Variants in MACROD2 observed in about 807,000 individuals in gnomAD.
The protein encoded by MACROD2 is mono-ADP ribosylhydrolase 2, also known as ADP-ribose glycohydrolase MACROD2.
MACROD2 carries 36 observed loss-of-function variants against 70.4 expected under a neutral mutation model. The ratio of observed to expected loss-of-function variants is 0.51; its 90% CI spans 0.39 to 0.68. MACROD2 has a LOEUF of 0.68. Ranked by LOEUF, MACROD2 falls within the 30% of genes least tolerant of loss-of-function variation. The probability of loss-of-function intolerance (pLI) is 0.00; values close to 1 mark genes in which losing one functional copy is unlikely to be tolerated. For synonymous variants in MACROD2, 172 were observed against 178.8 expected, an observed-to-expected ratio of 0.96 and a Z score of 0.30; for missense variants, 496 against 538.4, an observed-to-expected ratio of 0.92 and a Z score of 0.78.
intron 5 of MACROD2, among the ~76,000 whole-genome samples, chr20:14,989,711 G>A (rs2074883336): frequency 1.3e-5 from 2 of 152,124 alleles, no homozygotes; most frequent in South Asian, 4.1e-4. Flanking sequence ...ATGTTAATGA[G>A]CATATAATAA....
At chr20:16,043,059 G>C (rs1017472288) in intron 16 of MACROD2, among the ~76,000 whole-genome samples, 6 of 152,036 alleles carry the variant, frequency 3.9e-5, no homozygotes, top group Non-Finnish European at 5.9e-5. Context: ...CTTATTCAAA[G>C]GTAACTATAA....
At chr20:15,457,442 T>C (rs1213419353) in intron 7 of MACROD2, among the ~76,000 whole-genome samples, 2 of 152,142 alleles carry the variant, frequency 1.3e-5, no homozygotes, top group African/African-American at 2.4e-5. Flanking sequence ...TTTCATGTGA[T>C]TGGGTCCAAG....
At chr20:15,947,353 G>A (rs2065839185) in intron 12 of MACROD2, among the ~76,000 whole-genome samples, 2 of 152,146 alleles carry the variant, frequency 1.3e-5, no homozygotes, top group South Asian at 2.1e-4. Context: ...CAGGGCAGAG[G>A]TCCCTGCGGC....
intron 5 of MACROD2, among the ~76,000 whole-genome samples, chr20:14,824,827 T>C (rs1422529817): frequency 1.3e-5 from 2 of 152,076 alleles, no homozygotes; most frequent in African/African-American, 4.8e-5. Context: ...TTCTGCCACA[T>C]TTAAGTTCTC....
chr20:15,570,778 T>G (rs990636630), intron 8 of MACROD2, among the ~76,000 whole-genome samples: 3 of 152,140 alleles, frequency 2.0e-5, no homozygotes, highest in African/African-American at 7.2e-5. Flanking sequence ...TTGGACCAAT[T>G]TAGGTCACAT....
chr20:14,039,198 G>T (rs2053356005), intron 2 of MACROD2, among the ~76,000 whole-genome samples: 1 of 152,066 alleles, frequency 6.6e-6, no homozygotes, highest in Admixed American at 6.6e-5. Context: ...TGATTTTTAA[G>T]AAGCAAAGAA....
intron 5 of MACROD2, among the ~76,000 whole-genome samples, chr20:15,036,865 G>T (rs1378318164): frequency 6.6e-6 from 1 of 151,348 alleles, no homozygotes; most frequent in African/African-American, 2.4e-5. Context: ...TAAAGATTTA[G>T]TTACAAAGAT....
chr20:15,976,591 G>A (rs2066309708), intron 13 of MACROD2, among the ~76,000 whole-genome samples: 1 of 152,218 alleles, frequency 6.6e-6, no homozygotes, highest in African/African-American at 2.4e-5. Context: ...AGCCCTGGGA[G>A]GAGTCATTAA....
intron 4 of MACROD2, among the ~76,000 whole-genome samples, chr20:14,574,782 C>T (rs1160547162): frequency 6.7e-6 from 1 of 149,854 alleles, no homozygotes; most frequent in Non-Finnish European, 1.5e-5. Context: ...GAGGCCGGGG[C>T]GGGTGGATCA....
chr20:15,059,893 C>T (rs1001045335), intron 5 of MACROD2, among the ~76,000 whole-genome samples: 2 of 151,968 alleles, frequency 1.3e-5, no homozygotes, highest in Admixed American at 6.6e-5. Context: ...ATAAAGATTC[C>T]CTAAAGCTTG....
At chr20:14,516,399 T>G (rs1192535068) in intron 4 of MACROD2, among the ~76,000 whole-genome samples, 4 of 152,300 alleles carry the variant, frequency 2.6e-5, no homozygotes, top group Non-Finnish European at 5.9e-5. Flanking sequence ...TGAATGGTAT[T>G]GCCTAGGTTT....
chr20:14,918,694 C>G (rs757622943), intron 5 of MACROD2, among the ~76,000 whole-genome samples: 24 of 147,216 alleles, frequency 1.6e-4, no homozygotes, highest in Non-Finnish European at 3.1e-4. Context: ...TCTCCTCTAT[C>G]CCACACTTAC....
rs547824467 is a variant in MACROD2, at chr20:14,187,347, A to G, written c.271+101619A>G. 2.6e-5 allele frequency among the ~76,000 whole-genome samples: 4 copies of G among 152,310 alleles called. No homozygotes were observed. The East Asian group carries it at 7.7e-4, about 29-fold the overall frequency. On this transcript the variant is annotated intron_variant, in intron 3 of 17. Transcript: ENST00000684519. ...ATACGTGAGGATTTGACAGTTTACAATTGAAGCAGAAAAATTATCAAGGGT... is the reference window on the plus strand; with the variant it reads ...ATACGTGAGGATTTGACAGTTTACAGTTGAAGCAGAAAAATTATCAAGGGT...
At chr20:16,005,216 G>A (rs1464866636) in intron 15 of MACROD2, among the ~76,000 whole-genome samples, 8 of 152,150 alleles carry the variant, frequency 5.3e-5, no homozygotes, top group Non-Finnish European at 1.2e-4. Flanking sequence ...TCAACTTGCG[G>A]AAGTTCCCCA....
At chr20:14,193,784 A>G (rs981412287) in intron 3 of MACROD2, among the ~76,000 whole-genome samples, 2 of 152,220 alleles carry the variant, frequency 1.3e-5, no homozygotes, top group African/African-American at 4.8e-5. Context: ...CATTGGCTCA[A>G]TTGGAACGAG....
chr20:14,057,646 A>T (rs879526926), intron 2 of MACROD2, among the ~76,000 whole-genome samples: 22 of 152,210 alleles, frequency 1.4e-4, no homozygotes, highest in African/African-American at 5.3e-4. Context: ...AGCTGTGGGT[A>T]TGTGTATACA....
chr20:14,473,604 C>G (rs1237278039), intron 3 of MACROD2, among the ~76,000 whole-genome samples: 1 of 152,098 alleles, frequency 6.6e-6, no homozygotes, highest in Admixed American at 6.6e-5. Flanking sequence ...ATGCTTCTAA[C>G]AAACTTGGAG....
intron 5 of MACROD2, among the ~76,000 whole-genome samples, chr20:14,806,355 G>A (rs2072638887): frequency 6.6e-6 from 1 of 152,054 alleles, no homozygotes; most frequent in African/African-American, 2.4e-5. Flanking sequence ...CAAGGGGTTG[G>A]GGAACTCTCT....
chr20:14,883,452 C>T (rs1044187739), intron 5 of MACROD2, among the ~76,000 whole-genome samples: 8 of 152,086 alleles, frequency 5.3e-5, no homozygotes, highest in South Asian at 2.1e-4. Context: ...GTAAGCATGT[C>T]GGACTAATGT....
Sources: gnomAD v4.1 joint callset for allele counts (sites outside exome capture counted in the v4.1 genomes callset) on GRCh38, gnomAD v4.1.1 for gene constraint, MANE v1.5 for transcripts, NCBI Gene and HGNC (gene_info 2026-07-23, HGNC 2026-07-21) for gene names.